The following TAFA1 variants were observed in gnomAD, a reference collection of about 807,000 sequenced individuals.
TAFA1 encodes chemokine-like protein TAFA-1.
In TAFA1, 4 loss-of-function variants were observed where a neutral mutation model predicts 18.5. The ratio of observed to expected loss-of-function variants is 0.22; its 90% CI spans 0.11 to 0.49. The LOEUF is 0.49. Among genes scored for constraint, TAFA1 ranks in the 20% least tolerant of loss-of-function variants. The pLI is 0.98. For synonymous variants in TAFA1, 56 were observed against 55.2 expected (o/e 1.01, Z -0.06); for missense variants, 147 against 169.0 (o/e 0.87, Z 0.72).
intron 2 of TAFA1, among the ~76,000 whole-genome samples, chr3:68,379,935 G>C (rs376791150): frequency 6.7e-6 from 1 of 148,468 alleles, no homozygotes; most frequent in Non-Finnish European, 1.5e-5. Context: ...CCCCACAACA[G>C]TCCCCAATGT....
intron 2 of TAFA1, among the ~76,000 whole-genome samples, chr3:68,041,254 A>G (rs1013801137): frequency 2.0e-5 from 3 of 152,242 alleles, no homozygotes; most frequent in African/African-American, 7.2e-5. Context: ...TTACATGAAC[A>G]TATCCTTCTT....
intron 2 of TAFA1, among the ~76,000 whole-genome samples, chr3:68,360,225 G>A (rs142955665): frequency 1.8e-4 from 27 of 152,106 alleles, no homozygotes; most frequent in Admixed American, 3.3e-4. Flanking sequence ...GGTGTGTGAC[G>A]TGTAGAGAAT....
chr3:68,474,049 A>ACC (rs3037409), intron 3 of TAFA1, among the ~76,000 whole-genome samples: 41 of 136,538 alleles, frequency 3.0e-4, no homozygotes, highest in South Asian at 5.0e-4. Flanking sequence ...AAAATGTATC[A>ACC]CCCCCCCCCC....
chr3:68,352,834 T>C (rs1190738584), intron 2 of TAFA1, among the ~76,000 whole-genome samples: 1 of 151,904 alleles, frequency 6.6e-6, no homozygotes, highest in Non-Finnish European at 1.5e-5. Context: ...GAAGAAGACC[T>C]GGAAGCAAAG....
chr3:68,369,203 C>A (rs1048153848), intron 2 of TAFA1, among the ~76,000 whole-genome samples: 8 of 149,992 alleles, frequency 5.3e-5, no homozygotes, highest in African/African-American at 2.0e-4. Flanking sequence ...ACACACACAC[C>A]CAAAATAAAT....
intron 2 of TAFA1, among the ~76,000 whole-genome samples, chr3:68,135,256 A>T (rs1283606340): frequency 1.3e-5 from 2 of 152,228 alleles, no homozygotes; most frequent in African/African-American, 4.8e-5. Flanking sequence ...GTAAAGAGGA[A>T]GGGAAAATCG....
chr3:68,027,482 G>T (rs141551345), intron 2 of TAFA1, among the ~76,000 whole-genome samples: 1 of 152,034 alleles, frequency 6.6e-6, no homozygotes, highest in African/African-American at 2.4e-5. Flanking sequence ...CTCAGCTGTG[G>T]CCTAAGACAT....
chr3:68,351,185 C>T (rs1177049023), intron 2 of TAFA1, among the ~76,000 whole-genome samples: 1 of 152,086 alleles, frequency 6.6e-6, no homozygotes, highest in African/African-American at 2.4e-5. Context: ...ATGTGCCACC[C>T]AGGTAAGAAC....
intron 3 of TAFA1, among the ~76,000 whole-genome samples, chr3:68,485,347 T>G (rs761603396): frequency 1.3e-5 from 2 of 152,204 alleles, no homozygotes; most frequent in Non-Finnish European, 2.9e-5. Context: ...CCACACTACA[T>G]GTGTTAACAG....
chr3:68,240,536 C>A (rs148929859), intron 2 of TAFA1, among the ~76,000 whole-genome samples: 496 of 152,274 alleles, frequency 3.3e-3, no homozygotes, highest in Non-Finnish European at 5.1e-3. Context: ...AGAGAAGGAG[C>A]ACCATGCTCA....
chr3:68,076,576 T>C (rs867117614), intron 2 of TAFA1, among the ~76,000 whole-genome samples: 3 of 152,068 alleles, frequency 2.0e-5, no homozygotes, highest in Admixed American at 6.6e-5. Flanking sequence ...TTTGTTCTTG[T>C]GATAGTTTAC....
chr3:68,117,602 A>T (rs916224584), intron 2 of TAFA1, among the ~76,000 whole-genome samples: 1 of 152,134 alleles, frequency 6.6e-6, no homozygotes, highest in South Asian at 2.1e-4. Context: ...TGCAAATGAG[A>T]GTTTCACAGT....
chr3:68,072,525 G>C (rs947951909), intron 2 of TAFA1, among the ~76,000 whole-genome samples: 2 of 152,174 alleles, frequency 1.3e-5, no homozygotes, highest in African/African-American at 4.8e-5. Flanking sequence ...AGGAGTCCAG[G>C]TGACAGATGG....
At chr3:68,075,449 G>T (rs1364364267) in intron 2 of TAFA1, among the ~76,000 whole-genome samples, 2 of 152,142 alleles carry the variant, frequency 1.3e-5, no homozygotes, top group Admixed American at 6.5e-5. Context: ...TTTTACTTCA[G>T]TGGAATTATA....
At chr3:68,048,048 T>G (rs1028964453) in intron 2 of TAFA1, among the ~76,000 whole-genome samples, 2 of 152,112 alleles carry the variant, frequency 1.3e-5, no homozygotes, top group African/African-American at 4.8e-5. Flanking sequence ...CTAGACATCA[T>G]GGAATCATGA....
At chr3:68,502,956 A>C (rs1403739564) in intron 3 of TAFA1, among the ~76,000 whole-genome samples, 1 of 152,184 alleles carries the variant, frequency 6.6e-6, no homozygotes, top group Admixed American at 6.5e-5. Context: ...GGAATAGCTA[A>C]ACAAAATGTG....
At chr3:68,231,344 A>ATTTTTTTTTTTTT (rs1175174572) in intron 2 of TAFA1, among the ~76,000 whole-genome samples, 1 of 79,852 alleles carries the variant, frequency 1.3e-5, no homozygotes, top group African/African-American at 5.1e-5. Flanking sequence ...AATCTATTTG[A>ATTTTTTTTTTTTT]TTTTTTTTTT....
At chr3:68,055,247 G>A (rs2064518991) in intron 2 of TAFA1, among the ~76,000 whole-genome samples, 1 of 152,114 alleles carries the variant, frequency 6.6e-6, no homozygotes, top group Non-Finnish European at 1.5e-5. Flanking sequence ...AGGAGCAGAG[G>A]AATTTATAAT....
intron 3 of TAFA1, among the ~76,000 whole-genome samples, chr3:68,483,428 T>C (rs2072273789): frequency 6.6e-6 from 1 of 152,238 alleles, no homozygotes; most frequent in Non-Finnish European, 1.5e-5. Flanking sequence ...ATTAATCCAT[T>C]CAGCAAATAT....
Sources: allele counts gnomAD v4.1 joint callset (sites outside exome capture counted in the v4.1 genomes callset), GRCh38; gene constraint gnomAD v4.1.1; transcripts MANE v1.5; gene names NCBI Gene and HGNC (gene_info 2026-07-23, HGNC 2026-07-21).